SH3PXD2B: variants seen among roughly 807,000 people sequenced by gnomAD.
The protein encoded by SH3PXD2B is SH3 and PX domains 2B.
A neutral mutation model predicts 73.1 loss-of-function variants in SH3PXD2B; 37 were observed. The observed-to-expected ratio is 0.51, with a 90% CI of 0.39 to 0.67. The LOEUF (loss-of-function observed/expected upper bound fraction) is 0.67, where lower values mean the gene tolerates loss of function less well. Among genes scored for constraint, SH3PXD2B ranks in the 30% least tolerant of loss-of-function variants. SH3PXD2B has a pLI of 0.00. For synonymous variants in SH3PXD2B, 457 were observed against 480.5 expected, an observed-to-expected ratio of 0.95 and a Z score of 0.64; for missense variants, 1,053 against 1,197.8, an observed-to-expected ratio of 0.88 and a Z score of 1.78.
intron 3 of SH3PXD2B, among the ~76,000 whole-genome samples, chr5:172,405,582 G>C (rs1177952452): frequency 6.6e-6 from 1 of 152,170 alleles, no homozygotes; most frequent in Non-Finnish European, 1.5e-5. Context: ...GCTCTGACGA[G>C]CTGAACTCTG....
At chr5:172,361,072 T>C (rs759301025) in intron 7 of SH3PXD2B, among the ~76,000 whole-genome samples, 5 of 152,210 alleles carry the variant, frequency 3.3e-5, no homozygotes, top group African/African-American at 7.2e-5. Flanking sequence ...AATGACACCA[T>C]TGGGTTTTTA....
At chr5:172,440,014 A>T (rs1218003067) in intron 1 of SH3PXD2B, among the ~76,000 whole-genome samples, 2 of 152,176 alleles carry the variant, frequency 1.3e-5, no homozygotes, top group Non-Finnish European at 1.5e-5. Flanking sequence ...GCTCAGCCGG[A>T]ACCAACCTGA....
rs780292269 is a variant in SH3PXD2B, at chr5:172,339,563, G to C, written c.1542C>G (p.Pro514=). The change falls in exon 13 of 13, where the codon CCC becomes CCG. Residue 514 remains proline (P), a synonymous_variant. Coordinates refer to ENST00000311601, the MANE Select transcript of SH3PXD2B (RefSeq NM_001017995.3). This position sits in a 1 kb window ranked among gnomAD's most constrained non-coding sequence, Gnocchi z 6.1. ...ASAGYEEISD[P]DMEEKPSLPP... Reference sequence around the variant, plus strand: ...GGAGGCTGGGCTTCTCCTCCATGTCGGGGTCTGAGATCTCCTCGTAGCCTG... The same window carrying C: ...GGAGGCTGGGCTTCTCCTCCATGTCCGGGTCTGAGATCTCCTCGTAGCCTG... The C allele has an allele frequency of 1.9e-6, 3 of 1,614,216 alleles. No homozygotes were observed. Among genetic ancestry groups the C allele is most frequent in the African/African-American group, 1.3e-5 (1 of 75,072 alleles).
Position 172,335,874 on chromosome 5 carries a change from C to G in SH3PXD2B, c.*2495G>C. The G allele has an allele frequency of 8.2e-7, 1 of 1,223,144 alleles. No homozygotes were observed. The allele number at this position is 1,223,144 out of a possible 1,614,324, so 75.8% of individuals were successfully genotyped here. A position where few individuals can be genotyped will look rare whatever the true frequency, so the allele number is the denominator to read the frequency against. On this transcript the variant is annotated 3_prime_UTR_variant, in exon 13 of 13. Coordinates refer to ENST00000311601, the MANE Select transcript of SH3PXD2B (RefSeq NM_001017995.3). ...TATGACTCAAGGAGAGAACAGTGAA[C>G]AGAGAGGACTGTGGCTTCAGTACCC... is the stretch of plus-strand genomic sequence containing the variant.
chr5:172,379,379 TGTGGG>T (rs1757894502), intron 5 of SH3PXD2B, among the ~76,000 whole-genome samples: 1 of 150,794 alleles, frequency 6.6e-6, no homozygotes, highest in Admixed American at 6.6e-5. Flanking sequence ...CTCTCTCCCA[TGTGGG>T]GACACATCTG....
At chr5:172,350,726 C>A in intron 9 of SH3PXD2B, 137 bp from the exon 10 acceptor site, 1 of 810,086 alleles carries the variant, frequency 1.2e-6, no homozygotes, top group Non-Finnish European at 2.0e-6. Flanking sequence ...AAGAGGTTGG[C>A]ACACACTGTG....
intron 6 of SH3PXD2B, among the ~76,000 whole-genome samples, chr5:172,371,814 A>G (rs181899896): frequency 6.6e-6 from 1 of 152,118 alleles, no homozygotes; most frequent in African/African-American, 2.4e-5. Context: ...CCTTCTAGGG[A>G]AAGTCTCTGC....
intron 1 of SH3PXD2B, among the ~76,000 whole-genome samples, chr5:172,436,938 C>T (rs950144612): frequency 1.3e-5 from 2 of 152,138 alleles, no homozygotes; most frequent in Non-Finnish European, 2.9e-5. Context: ...TCCACAGACC[C>T]CAGTTTCAGA....
At chr5:172,333,414 G>A (rs1017988251), downstream of SH3PXD2B, 1 of 836,998 alleles carries the variant, frequency 1.2e-6, no homozygotes, top group Non-Finnish European at 1.5e-6. Flanking sequence ...GCTGGCATAG[G>A]TTTCTGTTCT....
intron 4 of SH3PXD2B, 116 bp downstream of exon 4, chr5:172,394,447 C>A: frequency 9.6e-7 from 1 of 1,039,766 alleles, no homozygotes; most frequent in Non-Finnish European, 1.5e-6. Context: ...CCCCTAATTT[C>A]TTTACATTCC....
intron 6 of SH3PXD2B, among the ~76,000 whole-genome samples, chr5:172,363,921 G>A (rs1305217661): frequency 6.6e-6 from 1 of 152,184 alleles, no homozygotes; most frequent in African/African-American, 2.4e-5. Context: ...ATGGATCAGA[G>A]GTTGGCAAGA....
chr5:172,342,160 C>T (rs1198234194), intron 12 of SH3PXD2B, among the ~76,000 whole-genome samples: 1 of 152,152 alleles, frequency 6.6e-6, no homozygotes, highest in African/African-American at 2.4e-5. Flanking sequence ...TGATCTTGAA[C>T]TTCTGGCTTC....
chr5:172,346,184 C>T lies in SH3PXD2B; in HGVS notation c.1140G>A (p.Gln380=), dbSNP rs1756993633. The T allele has an allele frequency of 4.3e-6, 7 of 1,614,142 alleles. No individual in the cohort carries two copies. The highest frequency in any genetic ancestry group is 5.1e-6 in the Non-Finnish European group (6 of 1,180,016). ...AGCTGATGCCGTCTGGGATGGTTGT[C>T]TGGAATTCGGCGATGGTGTAATACT... ...EEEYYTIAEF[Q]TTIPDGISFQ... The change falls in exon 12 of 13, where the codon CAG becomes CAA. Residue 380 remains glutamine (Q), a synonymous_variant. Coordinates refer to ENST00000311601, the MANE Select transcript of SH3PXD2B (RefSeq NM_001017995.3).
At chr5:172,449,247 A>G (rs1304537571) in intron 1 of SH3PXD2B, among the ~76,000 whole-genome samples, 1 of 152,220 alleles carries the variant, frequency 6.6e-6, no homozygotes, top group Non-Finnish European at 1.5e-5. Context: ...GTGAGATCAG[A>G]GAAGGGCCTG....
chr5:172,352,098 G>GA (rs1757169573), intron 9 of SH3PXD2B, among the ~76,000 whole-genome samples: 2 of 152,162 alleles, frequency 1.3e-5, no homozygotes, highest in Admixed American at 1.3e-4. Context: ...ATAACCTCGG[G>GA]AGAGACCTTG....
chr5:172,332,106 G>A (rs1321559681), downstream of SH3PXD2B, among the ~76,000 whole-genome samples: 4 of 152,078 alleles, frequency 2.6e-5, no homozygotes, highest in African/African-American at 7.2e-5. Context: ...TCCCATTGCC[G>A]TCCCATCCCA....
At chr5:172,329,081 A>ATTTTTT (rs67185423), downstream of SH3PXD2B, among the ~76,000 whole-genome samples, 546 of 68,036 alleles carry the variant, frequency 8.0e-3, 12 homozygotes, top group African/African-American at 0.01. Flanking sequence ...ATATATATAT[A>ATTTTTT]TATTTTTTTT....
intron 7 of SH3PXD2B, 110 bp downstream of exon 7, chr5:172,362,625 G>A: frequency 6.6e-7 from 1 of 1,503,874 alleles, no homozygotes; most frequent in South Asian, 1.1e-5. Flanking sequence ...AGGATCTATG[G>A]GAACTGGCCA....
intron 2 of SH3PXD2B, among the ~76,000 whole-genome samples, chr5:172,420,052 T>C (rs1758923610): frequency 6.6e-6 from 1 of 152,242 alleles, no homozygotes; most frequent in Non-Finnish European, 1.5e-5. Context: ...CTGTGCCTCC[T>C]GCCCATGGCA....
Sources: gnomAD v4.1 joint callset for allele counts (sites outside exome capture counted in the v4.1 genomes callset) on GRCh38, gnomAD v4.1.1 for gene constraint, Gnocchi (gnomAD v3.1) non-coding constraint, MANE v1.5 for transcripts, NCBI Gene and HGNC (gene_info 2026-07-23, HGNC 2026-07-21) for gene names.